The following TBC1D16 variants were observed in gnomAD, a reference collection of about 807,000 sequenced individuals.
TBC1D16 encodes TBC1 domain family member 16.
In TBC1D16, 58 loss-of-function variants were observed where a neutral mutation model predicts 74.7. That is an observed-to-expected ratio of 0.78 (90% CI 0.63 to 0.97). The LOEUF (loss-of-function observed/expected upper bound fraction) is 0.97. TBC1D16 is among the 50% of genes least tolerant of loss of function. TBC1D16 has a pLI of 0.00. For missense variants in TBC1D16, 1,014 were observed against 1,079.5 expected, an observed-to-expected ratio of 0.94 and a Z score of 0.85; for synonymous variants, 493 against 474.7, an observed-to-expected ratio of 1.04 and a Z score of -0.50.
Position 80,024,293 on chromosome 17 carries a change from A to G in TBC1D16, c.-62-10684T>C, listed in dbSNP as rs1301123747. On this transcript the variant is annotated intron_variant, in intron 1 of 11. Transcript: ENST00000310924. The stretch of plus-strand genomic sequence containing the variant: ...GAGTCAGAGGCCGAGAAGCACACAC[A>G]CCATAGACCCCACACCACGCACACC... 1.3e-3 allele frequency among the ~76,000 whole-genome samples: 12 copies of G among 9,140 alleles called. 1 individual carries two copies. The highest frequency in any genetic ancestry group is 1.9e-3 in the Admixed American group (1 of 524). The allele number at this position is 9,140 out of a possible 152,430, so 6.0% of individuals were successfully genotyped here. A position where few individuals can be genotyped will look rare whatever the true frequency, so the allele number is the denominator to read the frequency against.
At chr17:79,957,910 T>C (rs941414709) in intron 3 of TBC1D16, among the ~76,000 whole-genome samples, 1 of 148,610 alleles carries the variant, frequency 6.7e-6, no homozygotes, top group Non-Finnish European at 1.5e-5. Context: ...GGGACACATA[T>C]ATGATAAAGA....
Position 79,950,464 on chromosome 17 carries a change from G to A in TBC1D16, c.1204C>T (p.Leu402Phe). The change falls in exon 6 of 12, where the codon CTC becomes TTC. Residue 402 changes from leucine (L) to phenylalanine (F), a missense_variant. By Grantham distance (22) the Leu-to-Phe change is conservative. Transcript: ENST00000310924. The surrounding 1 kb of genome is among the most constrained non-coding windows in gnomAD (Gnocchi z 4.6). ...TGGCCCAGCTCATTCAGGTGGTTGA[G>A]CCAGGCGGAGACGCCGAGCCTCTTG... Reference protein sequence around the residue: ...MYKRLGVSAWLNHLNELGQVE... With the variant: ...MYKRLGVSAWFNHLNELGQVE... 16 of 1,612,964 alleles carry A rather than the reference G, an allele frequency of 9.9e-6. No homozygotes were observed. The highest frequency in any genetic ancestry group is 1.4e-5 in the Non-Finnish European group (16 of 1,179,890).
Position 80,001,408 on chromosome 17 carries a change from C to T in TBC1D16, c.779+8752G>A, listed in dbSNP as rs2035480151. ...GTTTTAAAGAAATAAATCTCAGCTC[C>T]CGGTTACAGAAGCACAAACAAACCC... On this transcript the variant is annotated intron_variant, in intron 3 of 11. Transcript: ENST00000310924. This position sits in a 1 kb window ranked among gnomAD's most constrained non-coding sequence, Gnocchi z 5.8. Among the ~76,000 whole-genome samples the T allele has an allele frequency of 6.6e-6, 1 of 152,198 alleles. No homozygotes were observed.
chr17:80,024,064 G>C (rs1238102449), intron 1 of TBC1D16: 4 of 126,618 alleles, frequency 3.2e-5, no homozygotes, highest in African/African-American at 1.1e-4. Flanking sequence ...ATCCCTCGCC[G>C]GCCGGCTAAG....
intron 3 of TBC1D16, among the ~76,000 whole-genome samples, chr17:79,969,179 G>C (rs1158969090): frequency 6.6e-6 from 1 of 152,172 alleles, no homozygotes. Flanking sequence ...CTGAGGTCAG[G>C]AGTTCGAGAC....
At chr17:79,972,693 C>T (rs950756868) in intron 3 of TBC1D16, among the ~76,000 whole-genome samples, 1 of 152,010 alleles carries the variant, frequency 6.6e-6, no homozygotes, top group Admixed American at 6.6e-5. Context: ...AACAGAGTTT[C>T]GGTTGGGAAG....
intron 3 of TBC1D16, among the ~76,000 whole-genome samples, chr17:79,960,779 CAAAAAAAAAAAAAA>C (rs746450905): frequency 6.8e-4 from 23 of 33,946 alleles, no homozygotes; most frequent in East Asian, 4.3e-3. Flanking sequence ...AACAAAAACC[CAAAAAAAAAAAAAA>C]AAAAAAAAAA....
In TBC1D16 at chr17:79,961,993, G is replaced by A. The variant is rs1014917742; in HGVS notation, c.780-9175C>T. ...ATGGCATACTACTCAGCTGTAACAC[G>A]CAGTAGCATGGACGCATGACAAAAT... On this transcript the variant is annotated intron_variant, in intron 3 of 11. Coordinates refer to ENST00000310924, the MANE Select transcript of TBC1D16 (RefSeq NM_019020.4). The surrounding 1 kb of genome is among the most constrained non-coding windows in gnomAD (Gnocchi z 4.8). Among the ~76,000 whole-genome samples the A allele has an allele frequency of 1.7e-4, 26 of 152,048 alleles. No homozygotes were observed. The highest frequency in any genetic ancestry group is 5.3e-4 in the African/African-American group (22 of 41,418).
intron 3 of TBC1D16, among the ~76,000 whole-genome samples, chr17:79,976,066 A>T (rs1010804407): frequency 6.6e-5 from 10 of 152,256 alleles, no homozygotes; most frequent in African/African-American, 2.4e-4. Context: ...GTGCACATCC[A>T]GGTCAACCTG....
chr17:79,999,042 G>A (rs1183153633), intron 3 of TBC1D16, among the ~76,000 whole-genome samples: 1 of 152,116 alleles, frequency 6.6e-6, no homozygotes, highest in African/African-American at 2.4e-5. Flanking sequence ...GATTACCTGA[G>A]GTCAGGAATT....
At chr17:79,957,765 G>C (rs1368166608) in intron 3 of TBC1D16, among the ~76,000 whole-genome samples, 4 of 151,428 alleles carry the variant, frequency 2.6e-5, no homozygotes, top group Middle Eastern at 3.2e-3. Context: ...GAGGCTGTGC[G>C]TGTGGTGGGG....
At chr17:79,957,451 C>T (rs1598347492) in intron 3 of TBC1D16, among the ~76,000 whole-genome samples, 1 of 152,194 alleles carries the variant, frequency 6.6e-6, no homozygotes, top group East Asian at 1.9e-4. Context: ...CCCACTGTGA[C>T]AAGGCTGCAC....
intron 3 of TBC1D16, among the ~76,000 whole-genome samples, chr17:80,005,225 G>A (rs1235686725): frequency 1.3e-5 from 2 of 152,184 alleles, no homozygotes; most frequent in African/African-American, 4.8e-5. Flanking sequence ...TTGGATTAAA[G>A]GTGTGCACCA....
At position 79,947,552 on chromosome 17, in the gene TBC1D16, A is replaced by G. The variant is rs1000341637; in HGVS notation, c.1728+93T>C. 4.9e-6 allele frequency: 7 copies of G among 1,416,012 alleles called. No homozygotes were observed. In the African/African-American group the frequency reaches 7.0e-5, roughly 14 times the overall value. The allele number at this position is 1,416,012 out of a possible 1,614,324, so 87.7% of individuals were successfully genotyped here. Reference sequence around the variant, plus strand: ...ACTGCCCACTGACCTACAGCAGCCAAGCCACGCATCACCACGGCAACCCCG... The same window carrying G: ...ACTGCCCACTGACCTACAGCAGCCAGGCCACGCATCACCACGGCAACCCCG... On this transcript the variant is annotated intron_variant, in intron 9 of 11. Coordinates refer to ENST00000310924, the MANE Select transcript of TBC1D16 (RefSeq NM_019020.4).
intron 1 of TBC1D16, among the ~76,000 whole-genome samples, chr17:80,026,924 G>A (rs1378149314): frequency 6.7e-6 from 1 of 148,310 alleles, no homozygotes; most frequent in Admixed American, 6.6e-5. Flanking sequence ...GGGGCCAGAT[G>A]CCTTCTCATC....
intron 3 of TBC1D16, among the ~76,000 whole-genome samples, chr17:80,003,098 G>A (rs1025056602): frequency 2.0e-5 from 3 of 152,236 alleles, no homozygotes; most frequent in African/African-American, 4.8e-5. Context: ...TGCCCAGTGT[G>A]TGTGCAGGAA....
chr17:79,953,250 A>C (rs2033168267), intron 3 of TBC1D16, among the ~76,000 whole-genome samples: 1 of 152,186 alleles, frequency 6.6e-6, no homozygotes, highest in Non-Finnish European at 1.5e-5. Flanking sequence ...TTGTTTTGGG[A>C]TGATTTTAGA....
In TBC1D16 at chr17:79,971,976, C is replaced by T. The variant is rs1224810828; in HGVS notation, c.780-19158G>A. 1.3e-5 allele frequency among the ~76,000 whole-genome samples: 2 copies of T among 151,952 alleles called. No individual in the cohort carries two copies. Among genetic ancestry groups the T allele is most frequent in the Non-Finnish European group, 2.9e-5 (2 of 68,006 alleles). On this transcript the variant is annotated intron_variant, in intron 3 of 11. Coordinates refer to ENST00000310924, the MANE Select transcript of TBC1D16 (RefSeq NM_019020.4). The surrounding 1 kb of genome is among the most constrained non-coding windows in gnomAD (Gnocchi z 4.6). The stretch of plus-strand genomic sequence containing the variant: ...CGGAGTGCTCTGAAAACGGCCCTGG[C>T]ATTGATTTTTAAAAAGGGTCGCTCA...
chr17:80,010,941 C>T lies in TBC1D16; in HGVS notation c.182-184G>A, dbSNP rs1273757629. Among the ~76,000 whole-genome samples, 1 of 152,210 alleles carries T rather than the reference C, an allele frequency of 6.6e-6. No homozygotes were observed. The highest frequency in any genetic ancestry group is 2.4e-5 in the African/African-American group (1 of 41,454). ...AAACTGTGGAGCTTGAAATGAATTC[C>T]AGCTATGCGTGTTTTTTAAGAACAC... is the stretch of plus-strand genomic sequence containing the variant. On this transcript the variant is annotated intron_variant, in intron 2 of 11. Transcript: ENST00000310924. The surrounding 1 kb of genome is among the most constrained non-coding windows in gnomAD (Gnocchi z 8.8).
Sources: allele counts gnomAD v4.1 joint callset (sites outside exome capture counted in the v4.1 genomes callset), GRCh38; gene constraint gnomAD v4.1.1; non-coding constraint Gnocchi (gnomAD v3.1); transcripts MANE v1.5; gene names NCBI Gene and HGNC (gene_info 2026-07-23, HGNC 2026-07-21).